The following DSE variants were observed in gnomAD, a reference collection of about 807,000 sequenced individuals.
The protein encoded by DSE is dermatan-sulfate epimerase.
A neutral mutation model predicts 84.4 loss-of-function variants in DSE; 36 were observed. The ratio of observed to expected loss-of-function variants is 0.43; its 90% CI spans 0.33 to 0.56. The LOEUF is 0.56. Ranked by LOEUF, DSE falls within the 20% of genes least tolerant of loss-of-function variation. DSE has a pLI of 0.06. For synonymous variants in DSE, 410 were observed against 430.1 expected (o/e 0.95, Z 0.58); for missense variants, 862 against 1,169.6 (o/e 0.74, Z 3.84).
At chr6:116,289,207 C>G (rs548512893) in intron 2 of DSE, among the ~76,000 whole-genome samples, 10 of 151,806 alleles carry the variant, frequency 6.6e-5, no homozygotes, top group African/African-American at 2.4e-4. Flanking sequence ...GGACAAACCC[C>G]TACTGTATTT....
At chr6:116,384,776 C>T (rs1780470666) in intron 1 of DSE, among the ~76,000 whole-genome samples, 2 of 152,098 alleles carry the variant, frequency 1.3e-5, no homozygotes, top group East Asian at 1.9e-4. Flanking sequence ...GTGCTAGGTA[C>T]ACTTTTATGT....
intron 2 of DSE, among the ~76,000 whole-genome samples, chr6:116,418,473 G>A (rs1782858774): frequency 6.6e-6 from 1 of 152,178 alleles, no homozygotes; most frequent in Non-Finnish European, 1.5e-5. Flanking sequence ...TCATCAGGGA[G>A]GGAAAGAGTT....
intron 2 of DSE, among the ~76,000 whole-genome samples, chr6:116,351,172 T>C (rs1280940750): frequency 1.3e-5 from 2 of 152,222 alleles, no homozygotes; most frequent in Admixed American, 1.3e-4. Flanking sequence ...ATTATAACTT[T>C]CCTGTAACAG....
rs144647131 is a variant in DSE at position 116,279,344 on chromosome 6, C to T, written c.-54+20377C>T. The T allele has an allele frequency of 6.3e-5, 102 of 1,611,194 alleles. 1 individual carries two copies. In the Admixed American group the frequency reaches 6.5e-4, roughly 10 times the overall value. ...TCCCTCTCAGCCACGGCTGCTGAGA[C>T]GGTGGCGCACTTTCCTGTCTTCACC... On this transcript the variant is annotated intron_variant, in intron 2 of 3. Coordinates refer to the DSE transcript ENST00000430252.
chr6:116,350,958 C>T (rs2114850948), intron 2 of DSE, among the ~76,000 whole-genome samples: 1 of 149,770 alleles, frequency 6.7e-6, no homozygotes, highest in East Asian at 1.9e-4. Flanking sequence ...ATGAAATATT[C>T]TAGTCTCTGT....
rs559682807 is a variant in DSE, at chr6:116,285,248, A to C, written c.-54+26281A>C. The stretch of plus-strand genomic sequence containing the variant: ...GAGATGGTATCTCATTGTGGTTTTG[A>C]TTTGCATTTCTCTGATGGCCAGTGA... On this transcript the variant is annotated intron_variant, in intron 2 of 3. Transcript: ENST00000430252. Among the ~76,000 whole-genome samples the C allele has an allele frequency of 3.3e-5, 5 of 152,176 alleles. No individual in the cohort carries two copies. In the South Asian group the frequency reaches 1.0e-3, roughly 32 times the overall value.
At chr6:116,262,603 T>C (rs1024006435) in intron 2 of DSE, among the ~76,000 whole-genome samples, 6 of 152,198 alleles carry the variant, frequency 3.9e-5, no homozygotes, top group African/African-American at 1.2e-4. Flanking sequence ...TTTGTGTGTC[T>C]AAATCTCCTT....
intron 2 of DSE, among the ~76,000 whole-genome samples, chr6:116,309,095 C>T (rs1409533480): frequency 1.4e-5 from 2 of 147,662 alleles, no homozygotes; most frequent in African/African-American, 4.9e-5. Context: ...TTAGAACAGC[C>T]ATTAGTAAAT....
At chr6:116,316,023 C>A (rs1365086875) in intron 2 of DSE, among the ~76,000 whole-genome samples, 3 of 152,014 alleles carry the variant, frequency 2.0e-5, no homozygotes, top group Non-Finnish European at 2.9e-5. Flanking sequence ...GCTTCCTACT[C>A]TTCCCCATTA....
At chr6:116,283,644 A>G (rs1169834983) in intron 2 of DSE, among the ~76,000 whole-genome samples, 2 of 152,062 alleles carry the variant, frequency 1.3e-5, no homozygotes, top group South Asian at 2.1e-4. Flanking sequence ...CCCAGGTTCA[A>G]GCAATTCTCC....
intron 2 of DSE, among the ~76,000 whole-genome samples, chr6:116,346,832 C>T (rs1049664625): frequency 2.6e-5 from 4 of 152,162 alleles, no homozygotes; most frequent in African/African-American, 9.7e-5. Context: ...GTCAAATTGT[C>T]CCTGTTTGCA....
upstream of DSE, among the ~76,000 whole-genome samples, chr6:116,365,593 A>G (rs140580576): frequency 2.4e-3 from 360 of 152,294 alleles, 2 homozygotes; most frequent in African/African-American, 8.3e-3. Flanking sequence ...AATGTGCAGC[A>G]AAGTTTGGGA....
At chr6:116,275,191 T>C (rs1017824049) in intron 2 of DSE, among the ~76,000 whole-genome samples, 2 of 152,228 alleles carry the variant, frequency 1.3e-5, no homozygotes, top group African/African-American at 2.4e-5. Context: ...AGTTACTGTA[T>C]TGGACAACAC....
chr6:116,334,229 C>A, intron 2 of DSE, among the ~76,000 whole-genome samples: 1 of 152,300 alleles, frequency 6.6e-6, no homozygotes, highest in East Asian at 1.9e-4. Context: ...AAGGCTTTGA[C>A]TCAGAGTAGG....
intron 1 of DSE, among the ~76,000 whole-genome samples, chr6:116,376,341 T>C (rs1195521886): frequency 6.6e-6 from 1 of 152,230 alleles, no homozygotes; most frequent in Non-Finnish European, 1.5e-5. Context: ...ACTTCTGCCA[T>C]GTGTAGGCAA....
chr6:116,274,576 G>A (rs1773032018), intron 2 of DSE, among the ~76,000 whole-genome samples: 2 of 147,262 alleles, frequency 1.4e-5, no homozygotes, highest in Non-Finnish European at 1.5e-5. Context: ...GCAAAACTCT[G>A]TCTCAAAAAA....
chr6:116,371,312 C>G (rs1308138122), intron 1 of DSE, among the ~76,000 whole-genome samples, 191 bp downstream of exon 1: 1 of 152,194 alleles, frequency 6.6e-6, no homozygotes, highest in African/African-American at 2.4e-5. Flanking sequence ...GAGCGCCTGA[C>G]GCGTGAAGCC....
chr6:116,425,075 T>C (rs1178471431), intron 2 of DSE, among the ~76,000 whole-genome samples: 2 of 152,228 alleles, frequency 1.3e-5, no homozygotes, highest in African/African-American at 4.8e-5. Context: ...ACAGTTGTTA[T>C]AGACATCTCA....
At chr6:116,389,846 A>T (rs1357925676) in intron 1 of DSE, among the ~76,000 whole-genome samples, 1 of 152,028 alleles carries the variant, frequency 6.6e-6, no homozygotes, top group Non-Finnish European at 1.5e-5. Flanking sequence ...ATATATTGCA[A>T]ATTTTCTTTA....
Sources: allele counts gnomAD v4.1 joint callset (sites outside exome capture counted in the v4.1 genomes callset), GRCh38; gene constraint gnomAD v4.1.1; transcripts MANE v1.5; gene names NCBI Gene and HGNC (gene_info 2026-07-23, HGNC 2026-07-21).